UTP25: variants seen among roughly 807,000 people sequenced by gnomAD.
UTP25 encodes UTP25 small subunit processome component.
In UTP25, 50 loss-of-function variants were observed where a neutral mutation model predicts 78.9. That is an observed-to-expected ratio of 0.63 (90% CI 0.50 to 0.80). The LOEUF (loss-of-function observed/expected upper bound fraction) is 0.80, where lower values mean the gene tolerates loss of function less well. UTP25 is among the 30% of genes least tolerant of loss of function. The probability of loss-of-function intolerance (pLI) is 0.00; values close to 1 mark genes in which losing one functional copy is unlikely to be tolerated. For synonymous variants in UTP25, 329 were observed against 336.5 expected (o/e 0.98, Z 0.24); for missense variants, 846 against 911.3 (o/e 0.93, Z 0.92).
intron 3 of UTP25, 95 bp from the exon 4 acceptor site, chr1:209,833,090 A>T: frequency 8.5e-7 from 1 of 1,170,666 alleles, no homozygotes; most frequent in South Asian, 1.6e-5. Context: ...GTATCAATGA[A>T]CGCTATTGTT....
intron 11 of UTP25, among the ~76,000 whole-genome samples, chr1:209,846,604 A>T (rs937160977): frequency 6.6e-6 from 1 of 152,204 alleles, no homozygotes; most frequent in African/African-American, 2.4e-5. Flanking sequence ...TGTCTTTAAC[A>T]GTGGCTCGTG....
At chr1:209,843,347 TA>T in intron 10 of UTP25, 103 bp from the exon 11 acceptor site, 5 of 1,396,308 alleles carry the variant, frequency 3.6e-6, no homozygotes, top group Non-Finnish European at 4.8e-6. Context: ...TCTGGGGAGG[TA>T]ATCTTTTAAC....
At position 209,855,676 on chromosome 1, in the gene UTP25, G is replaced by A. The variant is rs1489197322; in HGVS notation, c.*4229G>A. ...TCAGGTGTGGGATGGCACATTTCTA[G>A]GTGCTCCTCGCCGAGCTGTCATGGG... On this transcript the variant is annotated 3_prime_UTR_variant, in exon 12 of 12. Transcript: ENST00000491415. 6.6e-6 allele frequency: 1 copy of A among 152,318 alleles called. No individual in the cohort carries two copies. Among genetic ancestry groups the A allele is most frequent in the Admixed American group, 6.5e-5 (1 of 15,284 alleles). 9.4% of individuals were successfully genotyped at this position (152,318 alleles called of 1,614,324 possible).
chr1:209,828,615 G>T (rs186119625), intron 1 of UTP25, among the ~76,000 whole-genome samples: 1,520 of 150,394 alleles, frequency 0.01, 24 homozygotes, highest in African/African-American at 0.035. Context: ...TGTTGGCCAG[G>T]CTGGTCTTGA....
At chr1:209,851,082 C>T in intron 11 of UTP25, 122 bp from the exon 12 acceptor site, 1 of 1,089,004 alleles carries the variant, frequency 9.2e-7, no homozygotes. Context: ...TTACTTGTGC[C>T]ACTGTTTTTC....
At chr1:209,846,993 T>C (rs1475703079) in intron 11 of UTP25, among the ~76,000 whole-genome samples, 2 of 152,166 alleles carry the variant, frequency 1.3e-5, no homozygotes, top group African/African-American at 2.4e-5. Context: ...TTCCATCTTT[T>C]TTATGTGAAA....
intron 4 of UTP25, 141 bp from the exon 5 acceptor site, chr1:209,834,934 G>A (rs2078124819): frequency 1.7e-6 from 1 of 579,912 alleles, no homozygotes; most frequent in Admixed American, 3.3e-5. Flanking sequence ...TTTAAGCTCT[G>A]GACTTGGCCA....
intron 11 of UTP25, among the ~76,000 whole-genome samples, chr1:209,845,959 C>T (rs774777588): frequency 4.6e-5 from 7 of 151,230 alleles, no homozygotes; most frequent in African/African-American, 7.3e-5. Context: ...TGGGTTCAAG[C>T]AATTCTCGTG....
intron 4 of UTP25, 65 bp from the exon 5 acceptor site, chr1:209,835,010 A>G (rs1347211234): frequency 7.9e-7 from 1 of 1,267,496 alleles, no homozygotes; most frequent in Non-Finnish European, 1.1e-6. Context: ...TGTCTTTCAC[A>G]GGGGAAGACC....
chr1:209,829,696 G>C (rs952131907), intron 1 of UTP25, among the ~76,000 whole-genome samples: 1 of 151,910 alleles, frequency 6.6e-6, no homozygotes, highest in Non-Finnish European at 1.5e-5. Flanking sequence ...ATGTTACCCA[G>C]GTTGGTCTCA....
chr1:209,844,554 C>G (rs867162872), intron 11 of UTP25: 1 of 149,518 alleles, frequency 6.7e-6, no homozygotes, highest in Admixed American at 6.7e-5. Flanking sequence ...ATAGCTTGAA[C>G]CCGGGAGGCA....
intron 11 of UTP25, among the ~76,000 whole-genome samples, chr1:209,846,358 G>C (rs1204978809): frequency 2.0e-5 from 3 of 152,154 alleles, no homozygotes; most frequent in Non-Finnish European, 1.5e-5. Flanking sequence ...CCCTCCCAGT[G>C]ATGGGTCACA....
chr1:209,842,159 T>C, intron 8 of UTP25, 106 bp from the exon 9 acceptor site: 2 of 1,163,270 alleles, frequency 1.7e-6, no homozygotes, highest in Admixed American at 2.1e-5. Flanking sequence ...TGTTATAATT[T>C]AGGAGATGAT....
chr1:209,842,852 T>G (rs1442030301), intron 10 of UTP25, 157 bp downstream of exon 10: 2 of 624,456 alleles, frequency 3.2e-6, no homozygotes, highest in African/African-American at 3.7e-5. Context: ...AGGAGGAAAC[T>G]GAAGCACAGA....
At chr1:209,839,431 G>A (rs1477806484) in intron 7 of UTP25, among the ~76,000 whole-genome samples, 1 of 152,236 alleles carries the variant, frequency 6.6e-6, no homozygotes, top group African/African-American at 2.4e-5. Flanking sequence ...GCTGGTAGCA[G>A]ATAGATGCTA....
At chr1:209,843,777 G>C in intron 11 of UTP25, 81 bp downstream of exon 11, 2 of 1,522,484 alleles carry the variant, frequency 1.3e-6, no homozygotes, top group South Asian at 2.6e-5. Flanking sequence ...ATGCATGGCA[G>C]GCTTCGTGGT....
In UTP25 at chr1:209,841,068, A is replaced by G. The variant is rs2078164784; in HGVS notation, c.1485+13A>G. ...GGAGCATGTCCTGGTAATGCTGGCCATTCACATTCAGTGGGACAGTATTCA... is the reference window on the plus strand; with the variant it reads ...GGAGCATGTCCTGGTAATGCTGGCCGTTCACATTCAGTGGGACAGTATTCA... On this transcript the variant is annotated intron_variant, in intron 8 of 11. Coordinates refer to ENST00000491415, the MANE Select transcript of UTP25 (RefSeq NM_014388.7). 6.2e-7 allele frequency: 1 copy of G among 1,613,616 alleles called. No homozygotes were observed. Among genetic ancestry groups the G allele is most frequent in the African/African-American group, 1.3e-5 (1 of 75,040 alleles).
At position 209,851,219 on chromosome 1, in the gene UTP25, C is replaced by T; in HGVS notation, c.2043C>T (p.Gly681=). The part of the protein sequence containing the change: ...FHFYKRYTIK[G]IRNLIFYELP... ...ATTCTGACAGGTATACAATAAAAGGCATCAGGAACCTGATTTTCTATGAAC... is the reference window on the plus strand; with the variant it reads ...ATTCTGACAGGTATACAATAAAAGGTATCAGGAACCTGATTTTCTATGAAC... Residue 681 remains glycine (G), a synonymous_variant, in exon 12 of 12, where the codon GGC becomes GGT. Coordinates refer to ENST00000491415, the MANE Select transcript of UTP25 (RefSeq NM_014388.7). The T allele has an allele frequency of 1.2e-6, 2 of 1,613,192 alleles. No individual in the cohort carries two copies. Among genetic ancestry groups the T allele is most frequent in the South Asian group, 2.2e-5 (2 of 90,812 alleles).
rs1371374494 is a variant in UTP25 at position 209,852,799 on chromosome 1, T to C, written c.*1352T>C. 10 of 152,212 alleles carry C rather than the reference T, an allele frequency of 6.6e-5. No individual in the cohort carries two copies. Among genetic ancestry groups the C allele is most frequent in the Admixed American group, 5.9e-4 (9 of 15,288 alleles). 9.4% of individuals were successfully genotyped at this position (152,212 alleles called of 1,614,324 possible). A position where few individuals can be genotyped will look rare whatever the true frequency, so the allele number is the denominator to read the frequency against. On this transcript the variant is annotated 3_prime_UTR_variant, in exon 12 of 12. Transcript: ENST00000491415. ...TTGTGTACATGTATGCACACACATA[T>C]GTACACACGTTGTCTAAATTTGCTT...
Sources: gnomAD v4.1 joint callset for allele counts (sites outside exome capture counted in the v4.1 genomes callset) on GRCh38, gnomAD v4.1.1 for gene constraint, MANE v1.5 for transcripts, NCBI Gene and HGNC (gene_info 2026-07-23, HGNC 2026-07-21) for gene names.